Variants in PYCR3 observed in about 807,000 individuals in gnomAD.
PYCR3 encodes the protein pyrroline-5-carboxylate reductase 3.
In PYCR3, 26 loss-of-function variants were observed where a neutral mutation model predicts 23.4. That is an observed-to-expected ratio of 1.11 (90% CI 0.81 to 1.54). PYCR3 has a LOEUF of 1.54. Among genes scored for constraint, PYCR3 ranks in the 40% most tolerant of loss-of-function variants. PYCR3 has a pLI of 0.00. For synonymous variants in PYCR3, 194 were observed against 162.6 expected (o/e 1.19, Z -1.47); for missense variants, 360 against 376.3 (o/e 0.96, Z 0.36).
In PYCR3 at chr8:143,608,045, C is replaced by A. The variant is rs1226070405; in HGVS notation, c.156+17G>T. The A allele has an allele frequency of 1.2e-6, 2 of 1,605,800 alleles. No homozygotes were observed. Among genetic ancestry groups the A allele is most frequent in the African/African-American group, 2.7e-5 (2 of 74,772 alleles). ...CTGGGCTCCTGAGGGTATGAAGAACCTGGGCTCTATGCTCACTTGAAAGTG... is the reference window on the plus strand; with the variant it reads ...CTGGGCTCCTGAGGGTATGAAGAACATGGGCTCTATGCTCACTTGAAAGTG... On this transcript the variant is annotated intron_variant, in intron 2 of 5. Transcript: ENST00000495276.
At chr8:143,608,835 A>C in intron 1 of PYCR3, 1 of 456,578 alleles carries the variant, frequency 2.2e-6, no homozygotes, top group South Asian at 1.5e-5. Flanking sequence ...ATAGTAAGCT[A>C]TTTCCCGATT....
intron 3 of PYCR3, 67 bp from the exon 4 acceptor site, chr8:143,606,746 G>A (rs1048747903): frequency 6.7e-6 from 10 of 1,490,454 alleles, no homozygotes; most frequent in African/African-American, 5.6e-5. Context: ...GCCCCAGCAG[G>A]GGCCTCAGGA....
chr8:143,605,685 T>G lies in PYCR3; in HGVS notation c.*15A>C. The G allele has an allele frequency of 6.3e-7, 1 of 1,580,362 alleles. No homozygotes were observed. The highest frequency in any genetic ancestry group is 2.0e-4 in the Middle Eastern group (1 of 5,044). ...GCAGGGGCACAGAGGCAGGAAAGGA[T>G]GGCCAGAGCCCAGCCTACTTTCTGC... On this transcript the variant is annotated 3_prime_UTR_variant, in exon 6 of 6. Coordinates refer to ENST00000495276, the MANE Select transcript of PYCR3 (RefSeq NM_023078.6).
In PYCR3 at chr8:143,605,688, C is replaced by G. The variant is rs546275972; in HGVS notation, c.*12G>C. On this transcript the variant is annotated 3_prime_UTR_variant, in exon 6 of 6. Transcript: ENST00000495276. ...GGGGCACAGAGGCAGGAAAGGATGG[C>G]CAGAGCCCAGCCTACTTTCTGCTGA... is the stretch of plus-strand genomic sequence containing the variant. 7.3e-5 allele frequency: 116 copies of G among 1,582,266 alleles called. No individual in the cohort carries two copies. In the East Asian group the frequency reaches 2.5e-3, roughly 35 times the overall value.
rs548157167 is a variant in PYCR3 at position 143,609,523 on chromosome 8, C to A, written c.26G>T (p.Arg9Leu). Residue 9 changes from arginine (R) to leucine (L), a missense_variant, in exon 1 of 6, where the codon CGG (arginine) becomes CTG (leucine). Coordinates refer to ENST00000495276, the MANE Select transcript of PYCR3 (RefSeq NM_023078.6). Reference sequence around the variant, plus strand: ...GCCCGCGCCCACGAAGCCCACGCGCCGCGGAGACGGCTCCGCAGCTGCCAT... The same window carrying A: ...GCCCGCGCCCACGAAGCCCACGCGCAGCGGAGACGGCTCCGCAGCTGCCAT... MAAAEPSP[R>L]RVGFVGAGRM... 1.3e-6 allele frequency: 2 copies of A among 1,515,400 alleles called. No individual in the cohort carries two copies. Among genetic ancestry groups the A allele is most frequent in the African/African-American group, 2.9e-5 (2 of 69,502 alleles). 93.9% of individuals were successfully genotyped at this position (1,515,400 alleles called of 1,614,324 possible).
In PYCR3 at chr8:143,605,663, G is replaced by A. The variant is rs757774326; in HGVS notation, c.*37C>T. 16 of 1,559,626 alleles carry A rather than the reference G, an allele frequency of 1.0e-5. No homozygotes were observed. The highest frequency in any genetic ancestry group is 3.5e-6 in the Non-Finnish European group (4 of 1,145,318). On this transcript the variant is annotated 3_prime_UTR_variant, in exon 6 of 6. Coordinates refer to ENST00000495276, the MANE Select transcript of PYCR3 (RefSeq NM_023078.6). ...AGGGGAAGGGACACAGGGAGAGGCA[G>A]GGGCACAGAGGCAGGAAAGGATGGC...
Position 143,606,074 on chromosome 8 carries a change from G to A in PYCR3, c.630C>T (p.Ala210=). 1 of 1,608,938 alleles carries A rather than the reference G, an allele frequency of 6.2e-7. No individual in the cohort carries two copies. The highest frequency in any genetic ancestry group is 8.5e-7 in the Non-Finnish European group (1 of 1,178,218). Residue 210 remains alanine (A), a synonymous_variant, in exon 5 of 6, where the codon GCC becomes GCT. Coordinates refer to ENST00000495276, the MANE Select transcript of PYCR3 (RefSeq NM_023078.6). ...MPSSLAHRIA[A]QTLLGTAKML... is the part of the protein sequence containing the mutation. ...CACCCTCACTCACCAGCAGGGTCTGGGCAGCGATGCGGTGGGCCAGGCTGC... is the reference window on the plus strand; with the variant it reads ...CACCCTCACTCACCAGCAGGGTCTGAGCAGCGATGCGGTGGGCCAGGCTGC...
rs1168024351 is a variant in PYCR3 at position 143,606,107 on chromosome 8, G to A, written c.597C>T (p.Gly199=). The change falls in exon 5 of 6, where the codon GGC becomes GGT. Residue 199 remains glycine, a synonymous_variant. Coordinates refer to ENST00000495276, the MANE Select transcript of PYCR3 (RefSeq NM_023078.6). ...EALAEGAVKM[G]MPSSLAHRIA... ...TGCGGTGGGCCAGGCTGCTGGGCAT[G>A]CCCATCTTGACGGCTCCTTCAGCCA... is the stretch of plus-strand genomic sequence containing the variant. 1.2e-6 allele frequency: 2 copies of A among 1,610,934 alleles called. No homozygotes were observed. Among genetic ancestry groups the A allele is most frequent in the Non-Finnish European group, 1.7e-6 (2 of 1,179,260 alleles).
rs962193748 is a variant in PYCR3 at position 143,609,525 on chromosome 8, C to T, written c.24G>A (p.Pro8=). 5 of 1,515,066 alleles carry T rather than the reference C, an allele frequency of 3.3e-6. No homozygotes were observed. Among genetic ancestry groups the T allele is most frequent in the Non-Finnish European group, 3.5e-6 (4 of 1,139,164 alleles). 93.9% of individuals were successfully genotyped at this position (1,515,066 alleles called of 1,614,324 possible). A position where few individuals can be genotyped will look rare whatever the true frequency, so the allele number is the denominator to read the frequency against. Residue 8 remains proline, a synonymous_variant, in exon 1 of 6, where the codon CCG becomes CCA. Coordinates refer to ENST00000495276, the MANE Select transcript of PYCR3 (RefSeq NM_023078.6). Reference sequence around the variant, plus strand: ...CCGCGCCCACGAAGCCCACGCGCCGCGGAGACGGCTCCGCAGCTGCCATCT... The same window carrying T: ...CCGCGCCCACGAAGCCCACGCGCCGTGGAGACGGCTCCGCAGCTGCCATCT... MAAAEPS[P]RRVGFVGAGR...
At chr8:143,607,441 T>C (rs894494893) in intron 2 of PYCR3, among the ~76,000 whole-genome samples, 8 of 151,876 alleles carry the variant, frequency 5.3e-5, no homozygotes, top group African/African-American at 1.9e-4. Flanking sequence ...TGCATTCATA[T>C]ACACACACGC....
Position 143,604,872 on chromosome 8 carries a change from C to T in PYCR3, c.*828G>A, listed in dbSNP as rs752250700. On this transcript the variant is annotated 3_prime_UTR_variant, in exon 6 of 6. Transcript: ENST00000495276. ...TATTCCAGGACCCCTGACCTAGGCA[C>T]GGGGCAGGAGGGCCCAGAGCCACCT... is the stretch of plus-strand genomic sequence containing the variant. 2.2e-5 allele frequency: 11 copies of T among 493,024 alleles called. No homozygotes were observed. Among genetic ancestry groups the T allele is most frequent in the East Asian group, 5.9e-5 (1 of 17,062 alleles). The allele number at this position is 493,024 out of a possible 1,614,324, so 30.5% of individuals were successfully genotyped here.
At chr8:143,607,441 T>TAC (rs538509727) in intron 2 of PYCR3, among the ~76,000 whole-genome samples, 1 of 151,876 alleles carries the variant, frequency 6.6e-6, no homozygotes, top group African/African-American at 2.4e-5. Context: ...TGCATTCATA[T>TAC]ACACACACGC....
At position 143,605,819 on chromosome 8, in the gene PYCR3, T is replaced by C; in HGVS notation, c.706A>G (p.Thr236Ala). The change falls in exon 6 of 6, where the codon ACC becomes GCC. Residue 236 changes from threonine to alanine, a missense_variant. Physicochemically the swap from Thr to Ala is moderately conservative, Grantham distance 58 (BLOSUM62 0). Coordinates refer to ENST00000495276, the MANE Select transcript of PYCR3 (RefSeq NM_023078.6). Reference protein sequence around the residue: ...HPAQLRSDVCTPGGTTIYGLH... With the variant: ...HPAQLRSDVCAPGGTTIYGLH... The stretch of plus-strand genomic sequence containing the variant: ...CCATAGATGGTGGTGCCACCCGGGG[T>C]GCACACGTCTGAGCGCAGCTGGGCT... The C allele has an allele frequency of 6.2e-7, 1 of 1,611,912 alleles. No homozygotes were observed. The highest frequency in any genetic ancestry group is 8.5e-7 in the Non-Finnish European group (1 of 1,179,606).
intron 3 of PYCR3, 54 bp from the exon 4 acceptor site, chr8:143,606,733 C>T: frequency 1.3e-6 from 2 of 1,499,168 alleles, no homozygotes; most frequent in Non-Finnish European, 1.8e-6. Context: ...CCCTGCTGGG[C>T]AGGCCCCAGC....
intron 3 of PYCR3, 83 bp from the exon 4 acceptor site, chr8:143,606,762 C>T: frequency 7.0e-7 from 1 of 1,427,830 alleles, no homozygotes; most frequent in Non-Finnish European, 9.4e-7. Flanking sequence ...CAGGAAAGGT[C>T]CACGTCAGCT....
intron 2 of PYCR3, 111 bp from the exon 3 acceptor site, chr8:143,607,243 C>T: frequency 2.7e-6 from 3 of 1,098,996 alleles, no homozygotes; most frequent in South Asian, 3.3e-5. Flanking sequence ...CAGGGCCTCT[C>T]CCATTGCAAG....
intron 2 of PYCR3, 105 bp from the exon 3 acceptor site, chr8:143,607,237 G>T (rs1158342097): frequency 1.7e-6 from 2 of 1,155,652 alleles, no homozygotes; most frequent in Non-Finnish European, 2.4e-6. Context: ...TGGTCCCAGG[G>T]CCTCTCCCAT....
chr8:143,605,920 G>A (rs771710964), intron 5 of PYCR3, 38 bp from the exon 6 acceptor site: 2 of 1,580,788 alleles, frequency 1.3e-6, no homozygotes, highest in Non-Finnish European at 8.6e-7. Context: ...GGGGGGAGGT[G>A]GTGCGGTCCC....
intron 2 of PYCR3, among the ~76,000 whole-genome samples, 190 bp from the exon 3 acceptor site, chr8:143,607,322 T>A (rs912246877): frequency 5.3e-5 from 8 of 152,118 alleles, no homozygotes; most frequent in African/African-American, 1.9e-4. Flanking sequence ...TCACAGGCCA[T>A]CCTGATGTCA....
Sources: allele counts gnomAD v4.1 joint callset (sites outside exome capture counted in the v4.1 genomes callset), GRCh38; gene constraint gnomAD v4.1.1; transcripts MANE v1.5; gene names NCBI Gene and HGNC (gene_info 2026-07-23, HGNC 2026-07-21).